The following KRTAP19-5 variants were observed in gnomAD, a reference collection of about 807,000 sequenced individuals.
KRTAP19-5 encodes the protein keratin associated protein 19-5.
For missense variants in KRTAP19-5, 91 were observed against 96.1 expected, an observed-to-expected ratio of 0.95 and a Z score of 0.22; for synonymous variants, 44 against 40.7, an observed-to-expected ratio of 1.08 and a Z score of -0.31.
rs144381850 is a variant in KRTAP19-5, at chr21:30,502,002, C to T, written c.89G>A (p.Gly30Asp). The T allele has an allele frequency of 6.2e-7, 1 of 1,614,146 alleles. No individual in the cohort carries two copies. The change falls in exon 1 of 1, where the codon GGC (glycine) becomes GAC (aspartate). Residue 30 changes from glycine (G) to aspartate (D), a missense_variant. By Grantham distance (94) the Gly-to-Asp change is moderately conservative. Transcript: ENST00000334151. ...GCCATAGCCCAGTCTGCGGAAGCTG[C>T]CACATCCACAGCCATAGCCATAGCC... Reference protein sequence around the residue: ...DLGYGYGCGCGSFRRLGYGGG... With the variant: ...DLGYGYGCGCDSFRRLGYGGG...
At position 30,501,841 on chromosome 21, in the gene KRTAP19-5, TC is replaced by T. The variant is rs1170141408; in HGVS notation, c.*30del. 6.2e-7 allele frequency: 1 copy of T among 1,602,252 alleles called. No individual in the cohort carries two copies. Among genetic ancestry groups the T allele is most frequent in the East Asian group, 2.2e-5 (1 of 44,816 alleles). On this transcript the variant is annotated 3_prime_UTR_variant, in exon 1 of 1. Transcript: ENST00000334151. ...GTCAGGTTTGGGTGATCTTCTTATG[TC>T]CCCTCATGTTAGGTTGTCAGGGAAG...
At position 30,501,972 on chromosome 21, in the gene KRTAP19-5, C is replaced by G; in HGVS notation, c.119G>C (p.Gly40Ala). ...AGAGCCGTATCCGTAGCCTCCGTAG[C>G]CACCGCCATAGCCCAGTCTGCGGAA... ...GSFRRLGYGG[G>A]YGGYGYGSGF... Residue 40 changes from glycine to alanine, a missense_variant, in exon 1 of 1, where the codon GGC becomes GCC. By Grantham distance (60) the Gly-to-Ala change is moderately conservative (BLOSUM62 0). Coordinates refer to ENST00000334151, the MANE Select transcript of KRTAP19-5 (RefSeq NM_181611.3). 1 of 1,614,156 alleles carries G rather than the reference C, an allele frequency of 6.2e-7. No homozygotes were observed. The highest frequency in any genetic ancestry group is 8.5e-7 in the Non-Finnish European group (1 of 1,180,012).
In KRTAP19-5 at chr21:30,502,113, T is replaced by C. The variant is rs372341071; in HGVS notation, c.-23A>G. 3 of 1,597,990 alleles carry C rather than the reference T, an allele frequency of 1.9e-6. No individual in the cohort carries two copies. The Admixed American group carries it at 5.0e-5, about 27-fold the overall frequency. On this transcript the variant is annotated 5_prime_UTR_variant, in exon 1 of 1. It adds an upstream start codon to the 5' untranslated region. Coordinates refer to ENST00000334151, the MANE Select transcript of KRTAP19-5 (RefSeq NM_181611.3). ...CATGGTGTCAGGAGTGGTGAGTTGGTATGCTGCTCAAGGCAAGATCCTGAG... is the reference window on the plus strand; with the variant it reads ...CATGGTGTCAGGAGTGGTGAGTTGGCATGCTGCTCAAGGCAAGATCCTGAG...
Position 30,502,054 on chromosome 21 carries a change from A to G in KRTAP19-5, c.37T>C (p.Tyr13His). The G allele has an allele frequency of 6.2e-7, 1 of 1,614,162 alleles. No homozygotes were observed. Among genetic ancestry groups the G allele is most frequent in the Non-Finnish European group, 8.5e-7 (1 of 1,180,020 alleles). Reference protein sequence around the residue: ...YYGNYYGGLGYGYGGFDDLGY... With the variant: ...YYGNYYGGLGHGYGGFDDLGY... ...AGGTCATCGAAGCCTCCGTAGCCGT[A>G]GCCCAGGCCTCCATAGTAGTTGCCG... Residue 13 changes from tyrosine (Y) to histidine (H), a missense_variant, in exon 1 of 1, where the codon TAC becomes CAC. Transcript: ENST00000334151.
chr21:30,501,942 AAGCCAGAGCCGTATCCGTAGCCTCCGT>A lies in KRTAP19-5; in HGVS notation c.122_148del (p.Tyr41_Gly49del). 1.9e-6 allele frequency: 3 copies of A among 1,614,120 alleles called. No homozygotes were observed. The highest frequency in any genetic ancestry group is 2.2e-5 in the South Asian group (2 of 91,086). ...GCAGCTGCGGTATCCATAGCCTCCG[AAGCCAGAGCCGTATCCGTAGCCTCCGT>A]AGCCACCGCCATAGCCCAGTCTGCG... On this transcript the variant is annotated inframe_deletion, in exon 1 of 1. Coordinates refer to ENST00000334151, the MANE Select transcript of KRTAP19-5 (RefSeq NM_181611.3).
chr21:30,501,953 G>T, the KRTAP19-5 span: 1 of 1,614,074 alleles, frequency 6.2e-7, no homozygotes, highest in Non-Finnish European at 8.5e-7. Flanking sequence ...AGCCAGAGCC[G>T]TATCCGTAGC....
chr21:30,502,063 C>T lies in KRTAP19-5; in HGVS notation c.28G>A (p.Gly10Ser), dbSNP rs765772169. Residue 10 changes from glycine to serine, a missense_variant, in exon 1 of 1, where the codon GGC (glycine) becomes AGC (serine). By Grantham distance (56) the Gly-to-Ser change is moderately conservative. Transcript: ENST00000334151. ...AAGCCTCCGTAGCCGTAGCCCAGGC[C>T]TCCATAGTAGTTGCCGTAGTAGTTC... Reference protein sequence around the residue: MNYYGNYYGGLGYGYGGFDD... With the variant: MNYYGNYYGSLGYGYGGFDD... 1.9e-6 allele frequency: 3 copies of T among 1,614,148 alleles called. No individual in the cohort carries two copies. The highest frequency in any genetic ancestry group is 3.3e-5 in the Admixed American group (2 of 60,026).
chr21:30,501,922 T>C lies in KRTAP19-5; in HGVS notation c.169A>G (p.Ser57Gly), dbSNP rs117415039. Reference sequence around the variant, plus strand: ...CCTCCATAGCATGATGGACGGCAGCTGCGGTATCCATAGCCTCCGAAGCCA... The same window carrying C: ...CCTCCATAGCATGATGGACGGCAGCCGCGGTATCCATAGCCTCCGAAGCCA... ...GSGFGGYGYR[S>G]CRPSCYGGYG... is the part of the protein sequence containing the mutation. The change falls in exon 1 of 1, where the codon AGC (serine) becomes GGC (glycine). Residue 57 changes from serine (S) to glycine (G), a missense_variant. Coordinates refer to ENST00000334151, the MANE Select transcript of KRTAP19-5 (RefSeq NM_181611.3). 0.02 allele frequency: 32,705 copies of C among 1,614,064 alleles called. 391 individuals carry two copies. The highest frequency in any genetic ancestry group is 0.023 in the Non-Finnish European group (27,450 of 1,179,990).
chr21:30,501,851 T>C lies in KRTAP19-5; in HGVS notation c.*21A>G. The C allele has an allele frequency of 6.2e-7, 1 of 1,609,964 alleles. No homozygotes were observed. The highest frequency in any genetic ancestry group is 8.5e-7 in the Non-Finnish European group (1 of 1,176,142). The stretch of plus-strand genomic sequence containing the variant: ...GGTGATCTTCTTATGTCCCCTCATG[T>C]TAGGTTGTCAGGGAAGGATTTCAAT... On this transcript the variant is annotated 3_prime_UTR_variant, in exon 1 of 1. Coordinates refer to ENST00000334151, the MANE Select transcript of KRTAP19-5 (RefSeq NM_181611.3).
Sources: allele counts gnomAD v4.1 joint callset, GRCh38; gene constraint gnomAD v4.1.1; transcripts MANE v1.5; gene names NCBI Gene and HGNC (gene_info 2026-07-23, HGNC 2026-07-21).